KCNIP4: variants seen among roughly 807,000 people sequenced by gnomAD.
KCNIP4 encodes the protein potassium voltage-gated channel interacting protein 4, also known as Kv channel-interacting protein 4.
In KCNIP4, 12 loss-of-function variants were observed where a neutral mutation model predicts 34.0. The observed-to-expected ratio is 0.35, with a 90% CI of 0.23 to 0.57. The LOEUF is 0.57. Ranked by LOEUF, KCNIP4 falls within the 20% of genes least tolerant of loss-of-function variation. The probability of loss-of-function intolerance (pLI) is 0.83; values close to 1 mark genes in which losing one functional copy is unlikely to be tolerated. For missense variants in KCNIP4, 238 were observed against 311.7 expected (o/e 0.76, Z 1.78); for synonymous variants, 124 against 102.2 (o/e 1.21, Z -1.29).
At chr4:21,437,600 C>A (rs555714653) in intron 1 of KCNIP4, among the ~76,000 whole-genome samples, 1 of 152,092 alleles carries the variant, frequency 6.6e-6, no homozygotes, top group Admixed American at 6.5e-5. Flanking sequence ...TTATATTTAC[C>A]GAACTTCTTT....
At chr4:21,334,168 T>C (rs1715928433) in intron 1 of KCNIP4, among the ~76,000 whole-genome samples, 1 of 152,080 alleles carries the variant, frequency 6.6e-6, no homozygotes, top group African/African-American at 2.4e-5. Flanking sequence ...AGGGTTCAAG[T>C]CTCTCCTCCA....
intron 1 of KCNIP4, among the ~76,000 whole-genome samples, chr4:21,578,144 G>T (rs1740891551): frequency 6.6e-6 from 1 of 151,960 alleles, no homozygotes; most frequent in Non-Finnish European, 1.5e-5. Flanking sequence ...GACCAGCCTT[G>T]CCAACATGGT....
In KCNIP4 at chr4:21,795,571, A is replaced by G. The variant is rs79167137; in HGVS notation, c.61+153000T>C. Among the ~76,000 whole-genome samples, 76 of 152,320 alleles carry G rather than the reference A, an allele frequency of 5.0e-4. 1 individual carries two copies. In the East Asian group the frequency reaches 0.015, roughly 29 times the overall value. On this transcript the variant is annotated intron_variant, in intron 1 of 8. Coordinates refer to ENST00000382152, the MANE Select transcript of KCNIP4 (RefSeq NM_025221.6). ...TCTAAGTAAGTGAAAATTCTAGATG[A>G]ACTTGAAATACTCTTCTCATTGGAA...
At chr4:21,427,986 AT>A (rs939952988) in intron 1 of KCNIP4, among the ~76,000 whole-genome samples, 3 of 152,324 alleles carry the variant, frequency 2.0e-5, no homozygotes, top group Admixed American at 6.5e-5. Flanking sequence ...CTTAAAAAAA[AT>A]GTTTTAAACA....
chr4:20,754,065 CT>C (rs1754096878), intron 4 of KCNIP4, among the ~76,000 whole-genome samples: 1 of 152,152 alleles, frequency 6.6e-6, no homozygotes, highest in Admixed American at 6.6e-5. Flanking sequence ...AGCTTACACA[CT>C]AAAGCTTCTG....
At chr4:21,402,227 C>T (rs1723616463) in intron 1 of KCNIP4, among the ~76,000 whole-genome samples, 1 of 152,168 alleles carries the variant, frequency 6.6e-6, no homozygotes, top group African/African-American at 2.4e-5. Flanking sequence ...TTCCCCAAAC[C>T]TTAGTGCTAT....
At chr4:21,040,632 G>T (rs1741871998) in intron 1 of KCNIP4, among the ~76,000 whole-genome samples, 1 of 151,964 alleles carries the variant, frequency 6.6e-6, no homozygotes. Context: ...CTTCTTTACT[G>T]CAATGCTACT....
chr4:21,933,928 G>A (rs1019446466), intron 1 of KCNIP4, among the ~76,000 whole-genome samples: 8 of 151,984 alleles, frequency 5.3e-5, no homozygotes, highest in African/African-American at 1.9e-4. Context: ...CTTTACTCTG[G>A]GTTGGCAGAC....
intron 1 of KCNIP4, among the ~76,000 whole-genome samples, chr4:21,770,249 A>C (rs1169316037): frequency 6.6e-6 from 1 of 152,148 alleles, no homozygotes; most frequent in Non-Finnish European, 1.5e-5. Flanking sequence ...TAGTCTGTTG[A>C]GGATGATGGC....
chr4:21,530,043 G>A (rs781352362), intron 1 of KCNIP4, among the ~76,000 whole-genome samples: 3 of 152,132 alleles, frequency 2.0e-5, no homozygotes, highest in Admixed American at 1.3e-4. Flanking sequence ...GTAGTGCGCT[G>A]TATACAGTCT....
chr4:21,232,605 C>T (rs1758877734), intron 1 of KCNIP4, among the ~76,000 whole-genome samples: 1 of 152,088 alleles, frequency 6.6e-6, no homozygotes, highest in African/African-American at 2.4e-5. Context: ...TAGAACACTT[C>T]CATAGATCTG....
intron 1 of KCNIP4, among the ~76,000 whole-genome samples, chr4:21,635,218 C>T (rs567592304): frequency 1.1e-4 from 17 of 152,152 alleles, no homozygotes; most frequent in Non-Finnish European, 1.9e-4. Flanking sequence ...AGATTTTCCA[C>T]TCTTGGAAAA....
chr4:21,438,937 C>A (rs1392533711), intron 1 of KCNIP4, among the ~76,000 whole-genome samples: 1 of 151,962 alleles, frequency 6.6e-6, no homozygotes, highest in Non-Finnish European at 1.5e-5. Context: ...CCGAGGTGGG[C>A]AGATCACGAG....
chr4:20,738,997 A>G (rs1397358838), intron 5 of KCNIP4, among the ~76,000 whole-genome samples: 2 of 152,168 alleles, frequency 1.3e-5, no homozygotes, highest in South Asian at 2.1e-4. Context: ...CTGCTATCAC[A>G]GAAGTCCGAG....
At chr4:20,910,382 C>T (rs1230186359) in intron 1 of KCNIP4, among the ~76,000 whole-genome samples, 2 of 151,914 alleles carry the variant, frequency 1.3e-5, no homozygotes, top group Non-Finnish European at 2.9e-5. Flanking sequence ...ACAATTACGC[C>T]CTCTCAAGCA....
At chr4:21,051,172 T>C (rs928453276) in intron 1 of KCNIP4, among the ~76,000 whole-genome samples, 1 of 152,204 alleles carries the variant, frequency 6.6e-6, no homozygotes, top group Admixed American at 6.5e-5. Context: ...TTCCCTTCTT[T>C]GAGCATCAAA....
intron 1 of KCNIP4, among the ~76,000 whole-genome samples, chr4:21,320,344 A>C (rs1186853512): frequency 6.6e-6 from 1 of 152,160 alleles, no homozygotes; most frequent in Non-Finnish European, 1.5e-5. Context: ...GTGCCTGGCT[A>C]AGCAGGGGCT....
At chr4:21,158,769 G>A (rs1249814478) in intron 1 of KCNIP4, among the ~76,000 whole-genome samples, 2 of 151,998 alleles carry the variant, frequency 1.3e-5, no homozygotes, top group Admixed American at 1.3e-4. Context: ...GAATTGTATA[G>A]TGCAGATTCT....
At chr4:21,207,317 A>G (rs1405302278) in intron 1 of KCNIP4, among the ~76,000 whole-genome samples, 1 of 152,242 alleles carries the variant, frequency 6.6e-6, no homozygotes, top group Non-Finnish European at 1.5e-5. Context: ...TCTTACAACA[A>G]CTAAATATAC....
Sources: allele counts gnomAD v4.1 joint callset (sites outside exome capture counted in the v4.1 genomes callset), GRCh38; gene constraint gnomAD v4.1.1; transcripts MANE v1.5; gene names NCBI Gene and HGNC (gene_info 2026-07-23, HGNC 2026-07-21).